The following MPP7 variants were observed in gnomAD, a reference collection of about 807,000 sequenced individuals.
The protein encoded by MPP7 is MAGUK p55 subfamily member 7.
A neutral mutation model predicts 76.5 loss-of-function variants in MPP7; 60 were observed. That is an observed-to-expected ratio of 0.78 (90% CI 0.64 to 0.97). The LOEUF (loss-of-function observed/expected upper bound fraction) is 0.97. MPP7 is among the 50% of genes least tolerant of loss of function. MPP7 has a pLI of 0.00. For synonymous variants in MPP7, 237 were observed against 244.5 expected (o/e 0.97, Z 0.29); for missense variants, 641 against 694.0 (o/e 0.92, Z 0.86).
In MPP7 at chr10:28,105,705, G is replaced by A. The variant is rs76660203; in HGVS notation, c.952+13946C>T. On this transcript the variant is annotated intron_variant, in intron 11 of 16. Transcript: ENST00000683449. Reference sequence around the variant, plus strand: ...GTATTTTCAGTAGAGAAGGAGTTTCGTCACATTGGCCAGGCTGGTCTTGAA... The same window carrying A: ...GTATTTTCAGTAGAGAAGGAGTTTCATCACATTGGCCAGGCTGGTCTTGAA... Among the ~76,000 whole-genome samples the A allele has an allele frequency of 7.5e-3, 1,135 of 152,166 alleles. 7 individuals are homozygous for A. The highest frequency in any genetic ancestry group is 0.011 in the Non-Finnish European group (759 of 68,002).
At chr10:28,117,904 A>T (rs1834707733) in intron 11 of MPP7, among the ~76,000 whole-genome samples, 1 of 152,112 alleles carries the variant, frequency 6.6e-6, no homozygotes, top group South Asian at 2.1e-4. Flanking sequence ...TCTCTCAGTG[A>T]ATCAAACTCT....
chr10:28,302,787 G>C (rs1457340660), intron 1 of MPP7, among the ~76,000 whole-genome samples, 74 bp downstream of exon 1: 3 of 152,094 alleles, frequency 2.0e-5, no homozygotes, highest in Admixed American at 2.0e-4. Flanking sequence ...GCAGGGAGCA[G>C]CTTCGGGGGC....
chr10:28,332,246 C>CGTGCGTGT (rs151160779), intron 1 of MPP7, among the ~76,000 whole-genome samples: 1 of 146,794 alleles, frequency 6.8e-6, no homozygotes, highest in African/African-American at 2.5e-5. Context: ...CAAATGTATG[C>CGTGCGTGT]GTGTGTGTGT....
At chr10:28,120,111 T>C in intron 10 of MPP7, 83 bp downstream of exon 10, 1 of 1,401,914 alleles carries the variant, frequency 7.1e-7, no homozygotes, top group Non-Finnish European at 9.7e-7. Flanking sequence ...TAGCATATTT[T>C]ATCACATCAA....
chr10:28,160,401 C>T (rs1455189038), intron 3 of MPP7, among the ~76,000 whole-genome samples: 1 of 152,176 alleles, frequency 6.6e-6, no homozygotes, highest in African/African-American at 2.4e-5. Context: ...TGACAACTCA[C>T]TAACTAGTAC....
rs927412984 is a variant in MPP7, at chr10:28,302,739, T to A, written c.-132+122A>T. Among the ~76,000 whole-genome samples the A allele has an allele frequency of 2.0e-5, 3 of 150,258 alleles. No individual in the cohort carries two copies. In the South Asian group the frequency reaches 6.3e-4, roughly 32 times the overall value. ...AGGCGCCTAGAGGCCGGCAGGAGGCTCCGGAGGACCGCGGCACCGCTCGGC... is the reference window on the plus strand; with the variant it reads ...AGGCGCCTAGAGGCCGGCAGGAGGCACCGGAGGACCGCGGCACCGCTCGGC... On this transcript the variant is annotated intron_variant, in intron 1 of 16. Transcript: ENST00000683449.
chr10:28,056,367 C>G, intron 16 of MPP7, 113 bp downstream of exon 16: 2 of 1,112,126 alleles, frequency 1.8e-6, no homozygotes, highest in African/African-American at 3.3e-5. Context: ...CCACCTTGGC[C>G]AGGCTGGTCT....
intron 2 of MPP7, among the ~76,000 whole-genome samples, chr10:28,233,575 G>A (rs920430426): frequency 4.6e-5 from 7 of 151,806 alleles, no homozygotes; most frequent in East Asian, 1.9e-4. Context: ...AAAATTAGCC[G>A]GGCGTGGTGG....
chr10:28,070,108 A>G (rs1416535547), intron 12 of MPP7, among the ~76,000 whole-genome samples: 1 of 152,216 alleles, frequency 6.6e-6, no homozygotes, highest in Non-Finnish European at 1.5e-5. Flanking sequence ...TATGTTCTAG[A>G]GTATTTAGGC....
chr10:28,082,157 T>C (rs138577500), intron 12 of MPP7, among the ~76,000 whole-genome samples: 1,803 of 152,216 alleles, frequency 0.012, 21 homozygotes, highest in Non-Finnish European at 0.019. Context: ...GTATACAACG[T>C]TTCTATAATC....
chr10:28,323,711 TAG>T (rs869103530), intron 2 of MPP7, among the ~76,000 whole-genome samples: 10 of 70,280 alleles, frequency 1.4e-4, no homozygotes, highest in Middle Eastern at 5.9e-3. Context: ...AATAAATAAA[TAG>T]AGAGAGAGAA....
intron 12 of MPP7, among the ~76,000 whole-genome samples, chr10:28,086,602 C>T (rs763986519): frequency 6.6e-6 from 1 of 152,124 alleles, no homozygotes; most frequent in African/African-American, 2.4e-5. Flanking sequence ...ATTCTGGGAG[C>T]ATTATTTTGC....
At chr10:28,306,267 T>C (rs1841254852), upstream of MPP7, among the ~76,000 whole-genome samples, 1 of 152,202 alleles carries the variant, frequency 6.6e-6, no homozygotes, top group Admixed American at 6.5e-5. Context: ...AAGTAGATTT[T>C]AAAATGTGAT....
chr10:28,193,717 A>G (rs138904895), intron 3 of MPP7, among the ~76,000 whole-genome samples: 55 of 152,316 alleles, frequency 3.6e-4, no homozygotes, highest in African/African-American at 1.3e-3. Flanking sequence ...AAAGCTCAAC[A>G]ACAGGAATAT....
intron 1 of MPP7, among the ~76,000 whole-genome samples, chr10:28,297,281 T>C (rs1488656178): frequency 6.6e-6 from 1 of 152,246 alleles, no homozygotes; most frequent in African/African-American, 2.4e-5. Context: ...CTAGTGATCA[T>C]CCGAGCCTTC....
rs1322132532 is a variant in MPP7, at chr10:28,124,996, A to T, written c.529+14T>A. On this transcript the variant is annotated intron_variant, in intron 7 of 16. Transcript: ENST00000683449. ...CGTGATTAGTCTGTACTTGGTTAAC[A>T]TTTAAAGTCTCACCACTTCTATCTG... The T allele has an allele frequency of 9.9e-6, 16 of 1,610,322 alleles. No individual in the cohort carries two copies. Among genetic ancestry groups the T allele is most frequent in the African/African-American group, 4.0e-5 (3 of 74,856 alleles).
chr10:28,236,881 G>A (rs1354428899), intron 2 of MPP7: 3 of 152,114 alleles, frequency 2.0e-5, no homozygotes, highest in Non-Finnish European at 2.9e-5. Context: ...TGATGCATAC[G>A]CCGTACTTTG....
At chr10:28,324,923 G>T (rs773024971) in intron 2 of MPP7, among the ~76,000 whole-genome samples, 115 of 152,168 alleles carry the variant, frequency 7.6e-4, no homozygotes, top group African/African-American at 2.7e-3. Flanking sequence ...ATAGAGCTGA[G>T]ATTTGAACCA....
At chr10:28,241,970 G>A (rs1049779924) in intron 1 of MPP7, among the ~76,000 whole-genome samples, 1 of 152,096 alleles carries the variant, frequency 6.6e-6, no homozygotes, top group East Asian at 1.9e-4. Flanking sequence ...TAATGCTCCC[G>A]TGGCACTCAT....
Sources: gnomAD v4.1 joint callset for allele counts (sites outside exome capture counted in the v4.1 genomes callset) on GRCh38, gnomAD v4.1.1 for gene constraint, MANE v1.5 for transcripts, NCBI Gene and HGNC (gene_info 2026-07-23, HGNC 2026-07-21) for gene names.